The following SMG1 variants were observed in gnomAD, a reference collection of about 807,000 sequenced individuals.
SMG1 encodes SMG1 nonsense mediated mRNA decay associated PI3K related kinase.
In SMG1, 22 loss-of-function variants were observed where a neutral mutation model predicts 419.9. The ratio of observed to expected loss-of-function variants is 0.05; its 90% CI spans 0.04 to 0.07. SMG1 has a LOEUF of 0.07. Ranked by LOEUF, SMG1 falls within the 10% of genes least tolerant of loss-of-function variation. The pLI is 1.00. For synonymous variants in SMG1, 1,538 were observed against 1,553.5 expected (o/e 0.99, Z 0.23); for missense variants, 3,185 against 4,342.0 (o/e 0.73, Z 7.49).
rs548613460 is a variant in SMG1, at chr16:18,878,566, C to T, written c.1518+929G>A. ...AGGCTGCAGTGAGCTCTGATTGTAC[C>T]GCTGCACTCCAACCAGGGGAATACA... is the stretch of plus-strand genomic sequence containing the variant. On this transcript the variant is annotated intron_variant, in intron 11 of 62. Coordinates refer to ENST00000446231, the MANE Select transcript of SMG1 (RefSeq NM_015092.5). 9 of 149,820 alleles carry T rather than the reference C, an allele frequency of 6.0e-5. No individual in the cohort carries two copies. In the East Asian group the frequency reaches 1.6e-3, roughly 26 times the overall value. 9.3% of individuals were successfully genotyped at this position (149,820 alleles called of 1,614,324 possible). A position where few individuals can be genotyped will look rare whatever the true frequency, so the allele number is the denominator to read the frequency against.
At chr16:18,896,984 G>T in intron 1 of SMG1, 28 bp from the exon 2 acceptor site, 3 of 1,427,544 alleles carry the variant, frequency 2.1e-6, no homozygotes, top group Non-Finnish European at 2.9e-6. Flanking sequence ...TTTAAGATTA[G>T]AACTTTAAAT....
At chr16:18,904,509 G>A (rs1304429539) in intron 1 of SMG1, among the ~76,000 whole-genome samples, 1 of 151,576 alleles carries the variant, frequency 6.6e-6, no homozygotes, top group East Asian at 2.0e-4. Flanking sequence ...GTGGTGGCAC[G>A]CACCTGTAGT....
intron 1 of SMG1, among the ~76,000 whole-genome samples, chr16:18,910,512 A>G (rs576882004): frequency 6.6e-6 from 1 of 151,634 alleles, no homozygotes; most frequent in Admixed American, 6.6e-5. Flanking sequence ...TTACAGGTGT[A>G]AGCCACCATG....
At chr16:18,904,769 A>C (rs541106796) in intron 1 of SMG1, among the ~76,000 whole-genome samples, 2 of 146,072 alleles carry the variant, frequency 1.4e-5, no homozygotes, top group Non-Finnish European at 3.0e-5. Context: ...ACCCCGTCTC[A>C]ACTAAAAATA....
chr16:18,908,098 G>T (rs572329329), intron 1 of SMG1, among the ~76,000 whole-genome samples: 1 of 152,008 alleles, frequency 6.6e-6, no homozygotes, highest in Non-Finnish European at 1.5e-5. Context: ...AGGCGCAGTT[G>T]ATCACTCCTG....
At chr16:18,838,519 C>T in intron 43 of SMG1, 32 bp downstream of exon 43, 1 of 1,613,858 alleles carries the variant, frequency 6.2e-7, no homozygotes, top group Non-Finnish European at 8.5e-7. Flanking sequence ...AACATTTGGC[C>T]CTCATAAATG....
At chr16:18,828,960 T>C (rs1242201928) in intron 54 of SMG1, among the ~76,000 whole-genome samples, 3 of 151,008 alleles carry the variant, frequency 2.0e-5, no homozygotes, top group Non-Finnish European at 2.9e-5. Context: ...ATCGCGCCAT[T>C]GCACTCCAGT....
Position 18,849,391 on chromosome 16 carries a change from A to G in SMG1, c.5462-13T>C, listed in dbSNP as rs2034464966. On this transcript the variant is annotated splice_polypyrimidine_tract_variant and intron_variant, in intron 35 of 62. Transcript: ENST00000446231. ...TGCGGAATAATTCCTTCAGGACAAGAAGAGAGAAAGACACTTTAAAGTTAT... is the reference window on the plus strand; with the variant it reads ...TGCGGAATAATTCCTTCAGGACAAGGAGAGAGAAAGACACTTTAAAGTTAT... The G allele has an allele frequency of 1.9e-6, 3 of 1,604,730 alleles. No homozygotes were observed. The highest frequency in any genetic ancestry group is 2.6e-6 in the Non-Finnish European group (3 of 1,173,696).
intron 1 of SMG1, among the ~76,000 whole-genome samples, chr16:18,902,181 A>G (rs1226084436): frequency 3.9e-5 from 6 of 152,160 alleles, no homozygotes; most frequent in African/African-American, 1.4e-4. Flanking sequence ...GCAATAATTC[A>G]TGAGTATTGT....
chr16:18,810,581 A>G (rs1225494669), intron 62 of SMG1, among the ~76,000 whole-genome samples: 1 of 152,174 alleles, frequency 6.6e-6, no homozygotes, highest in Non-Finnish European at 1.5e-5. Flanking sequence ...ATGTCACTCC[A>G]TAAGGGGAGG....
At chr16:18,811,515 G>A (rs781380866) in intron 62 of SMG1, among the ~76,000 whole-genome samples, 9 of 152,198 alleles carry the variant, frequency 5.9e-5, no homozygotes, top group Admixed American at 6.5e-5. Flanking sequence ...TCTGGTGGAG[G>A]AGGATCGGAC....
Position 18,849,337 on chromosome 16 carries a change from C to T in SMG1, c.5503G>A (p.Val1835Met), listed in dbSNP as rs1159232669. The T allele has an allele frequency of 1.9e-6, 3 of 1,613,590 alleles. No homozygotes were observed. The Admixed American group carries it at 5.0e-5, about 27-fold the overall frequency. The change falls in exon 36 of 63, where the codon GTG (valine) becomes ATG (methionine). Residue 1835 changes from valine (V) to methionine (M), a missense_variant. Val to Met is a conservative substitution (Grantham distance 21). Coordinates refer to ENST00000446231, the MANE Select transcript of SMG1 (RefSeq NM_015092.5). ...QLFSRLNHPEVYVRQSICNLL... is the reference protein window; with the variant it reads ...QLFSRLNHPEMYVRQSICNLL... ...TTACAAATACTTTGGCGCACATACA[C>T]TTCAGGGTGGTTTAAGCGTGAGAAA...
intron 11 of SMG1, 24 bp from the exon 12 acceptor site, chr16:18,877,256 A>C: frequency 6.8e-7 from 1 of 1,474,834 alleles, no homozygotes; most frequent in Non-Finnish European, 9.1e-7. Context: ...ATTTTTAAAA[A>C]ATGAGCTTCT....
At chr16:18,833,634 G>C (rs2033358856) in intron 50 of SMG1, among the ~76,000 whole-genome samples, 1 of 151,658 alleles carries the variant, frequency 6.6e-6, no homozygotes, top group African/African-American at 2.4e-5. Flanking sequence ...TATATAATTT[G>C]TTATACTTTG....
Position 18,875,922 on chromosome 16 carries a change from A to C in SMG1, c.1890+202T>G, listed in dbSNP as rs1475960932. On this transcript the variant is annotated intron_variant, in intron 13 of 62. Transcript: ENST00000446231. ...TAAAAAAACTTATCAAGATTTGTCA[A>C]GGAAAAAGAAGAAGAAAAGTTAAAT... 8.6e-6 allele frequency: 5 copies of C among 578,512 alleles called. No homozygotes were observed. In the South Asian group the frequency reaches 1.1e-4, roughly 12 times the overall value. 35.8% of individuals were successfully genotyped at this position (578,512 alleles called of 1,614,324 possible). A position where few individuals can be genotyped will look rare whatever the true frequency, so the allele number is the denominator to read the frequency against.
chr16:18,839,375 G>C (rs112277889), intron 42 of SMG1, among the ~76,000 whole-genome samples: 5 of 152,128 alleles, frequency 3.3e-5, no homozygotes, highest in African/African-American at 1.2e-4. Flanking sequence ...CCCAGTGTCT[G>C]TTGTTCCCTT....
intron 58 of SMG1, 84 bp from the exon 59 acceptor site, chr16:18,815,735 C>G (rs898230288): frequency 9.0e-7 from 1 of 1,108,700 alleles, no homozygotes; most frequent in African/African-American, 1.6e-5. Flanking sequence ...GATTAAGTAA[C>G]AAATGTTTCA....
At chr16:18,815,718 A>C in intron 58 of SMG1, 67 bp from the exon 59 acceptor site, 1 of 1,327,284 alleles carries the variant, frequency 7.5e-7, no homozygotes, top group Non-Finnish European at 1.0e-6. Flanking sequence ...CAAGACAGTC[A>C]CCTAGTGATT....
rs762929884 is a variant in SMG1, at chr16:18,850,070, G to A, written c.5340C>T (p.Ser1780=). Residue 1780 remains serine (S), a synonymous_variant, in exon 35 of 63, where the codon AGC becomes AGT. Transcript: ENST00000446231. ...TGGCCATCACAATCATGTCATCAGT[G>A]CTCTGTTCCACTCTGTGACTTAAAT... is the stretch of plus-strand genomic sequence containing the variant. ...RLHLSHRVEQ[S]TDDMIVMATL... 2 of 1,613,972 alleles carry A rather than the reference G, an allele frequency of 1.2e-6. No individual in the cohort carries two copies. The highest frequency in any genetic ancestry group is 1.7e-5 in the Admixed American group (1 of 60,020).
Sources: allele counts gnomAD v4.1 joint callset (sites outside exome capture counted in the v4.1 genomes callset), GRCh38; gene constraint gnomAD v4.1.1; transcripts MANE v1.5; gene names NCBI Gene and HGNC (gene_info 2026-07-23, HGNC 2026-07-21).